Variants in RAX observed in about 807,000 individuals in gnomAD.
RAX encodes the protein retina and anterior neural fold homeobox.
Under a neutral mutation model 17.4 loss-of-function variants are expected in RAX, and 11 were observed. The observed-to-expected ratio is 0.63, with a 90% CI of 0.40 to 1.05. The LOEUF is 1.05. Ranked by LOEUF, RAX falls within the 50% of genes least tolerant of loss-of-function variation. RAX has a pLI of 0.00. For synonymous variants in RAX, 276 were observed against 254.7 expected (o/e 1.08, Z -0.80); for missense variants, 527 against 501.1 (o/e 1.05, Z -0.49).
At chr18:59,269,563 C>A in intron 2 of RAX, 62 bp from the exon 3 acceptor site, 1 of 1,572,384 alleles carries the variant, frequency 6.4e-7, no homozygotes, top group Non-Finnish European at 8.6e-7. Flanking sequence ...GTCCCCAACC[C>A]TGAGCCGGTT....
At chr18:59,270,895 C>A (rs1279520451) in intron 2 of RAX, among the ~76,000 whole-genome samples, 1 of 152,174 alleles carries the variant, frequency 6.6e-6, no homozygotes, top group East Asian at 1.9e-4. Flanking sequence ...GGGCTCCTGT[C>A]CCACCACCTT....
At chr18:59,269,577 C>G in intron 2 of RAX, 76 bp from the exon 3 acceptor site, 9 of 1,523,942 alleles carry the variant, frequency 5.9e-6, no homozygotes, top group Non-Finnish European at 8.0e-6. Context: ...GCCGGTTCAG[C>G]TCGGCGGGCT....
In RAX at chr18:59,273,247, AG is replaced by A. The variant is rs2070357092; in HGVS notation, c.-42del. The A allele has an allele frequency of 8.6e-6, 13 of 1,507,904 alleles. No homozygotes were observed. The highest frequency in any genetic ancestry group is 9.7e-6 in the Non-Finnish European group (11 of 1,132,688). 93.4% of individuals were successfully genotyped at this position (1,507,904 alleles called of 1,614,324 possible). A position where few individuals can be genotyped will look rare whatever the true frequency, so the allele number is the denominator to read the frequency against. On this transcript the variant is annotated 5_prime_UTR_variant, in exon 1 of 3. Transcript: ENST00000334889. ...GCGGGAGGGCGCTTTGGAGACGGAG[AG>A]GAGAGGCTCGAAGCCGGGTCTTCCC... is the stretch of plus-strand genomic sequence containing the variant.
intron 2 of RAX, among the ~76,000 whole-genome samples, chr18:59,271,097 T>C (rs1337154274): frequency 6.6e-6 from 1 of 152,178 alleles, no homozygotes; most frequent in African/African-American, 2.4e-5. Flanking sequence ...AGAATGGCCA[T>C]ATGCTGGGTG....
Position 59,269,151 on chromosome 18 carries a change from C to T in RAX, c.894G>A (p.Pro298=). 1 of 1,584,676 alleles carries T rather than the reference C, an allele frequency of 6.3e-7. No homozygotes were observed. The highest frequency in any genetic ancestry group is 8.6e-7 in the Non-Finnish European group (1 of 1,162,970). The change falls in exon 3 of 3, where the codon CCG becomes CCA. Residue 298 remains proline, a synonymous_variant. Coordinates refer to ENST00000334889, the MANE Select transcript of RAX (RefSeq NM_013435.3). ...GCCCGCACGGGTAGGAGGGCGGCGG[C>T]GGCGCGAGAGGTTGCAGGCCGGGGC... The part of the protein sequence containing the change: ...PLGPGLQPLA[P]PPPSYPCGPG...
In RAX at chr18:59,268,990, G is replaced by A. The variant is rs780382176; in HGVS notation, c.*14C>T. ...TCGGCCCGGGGTCGGATCCCAAGAC[G>A]TTCCCCAGTGCCCCTAGAGGGCCTG... On this transcript the variant is annotated 3_prime_UTR_variant, in exon 3 of 3. Transcript: ENST00000334889. The surrounding 1 kb of genome is among the most constrained non-coding windows in gnomAD (Gnocchi z 4.4). 3.7e-6 allele frequency: 6 copies of A among 1,612,814 alleles called. No homozygotes were observed. The highest frequency in any genetic ancestry group is 3.3e-5 in the South Asian group (3 of 91,092).
Position 59,273,234 on chromosome 18 carries a change from T to C in RAX, c.-28A>G. ...GGAGCGCCGGGAGGCGGGAGGGCGC[T>C]TTGGAGACGGAGAGGAGAGGCTCGA... On this transcript the variant is annotated 5_prime_UTR_variant, in exon 1 of 3. Coordinates refer to ENST00000334889, the MANE Select transcript of RAX (RefSeq NM_013435.3). 2 of 1,519,176 alleles carry C rather than the reference T, an allele frequency of 1.3e-6. No homozygotes were observed. The highest frequency in any genetic ancestry group is 1.8e-6 in the Non-Finnish European group (2 of 1,139,228). The allele number at this position is 1,519,176 out of a possible 1,614,324, so 94.1% of individuals were successfully genotyped here.
rs780219769 is a variant in RAX, at chr18:59,272,928, G to C, written c.279C>G (p.Pro93=). The change falls in exon 1 of 3, where the codon CCC becomes CCG. Residue 93 remains proline (P), a synonymous_variant. Coordinates refer to ENST00000334889, the MANE Select transcript of RAX (RefSeq NM_013435.3). ...GGGGTGCGCACTCACCTTCGTACTCGGGGGCGGGCGCCGGGGCTGGCGGCG... is the reference window on the plus strand; with the variant it reads ...GGGGTGCGCACTCACCTTCGTACTCCGGGGCGGGCGCCGGGGCTGGCGGCG... ...PSPPPAPAPA[P]EYEAPRPYCP... is the part of the protein sequence containing the mutation. 12 of 1,471,230 alleles carry C rather than the reference G, an allele frequency of 8.2e-6. No individual in the cohort carries two copies. Among genetic ancestry groups the C allele is most frequent in the Non-Finnish European group, 1.1e-5 (12 of 1,129,432 alleles). The allele number at this position is 1,471,230 out of a possible 1,614,324, so 91.1% of individuals were successfully genotyped here.
intron 2 of RAX, among the ~76,000 whole-genome samples, chr18:59,271,351 C>T (rs1020783028): frequency 2.0e-5 from 3 of 152,188 alleles, no homozygotes; most frequent in African/African-American, 4.8e-5. Flanking sequence ...GATAAAATTT[C>T]CACCCCTTCA....
At position 59,273,000 on chromosome 18, in the gene RAX, C is replaced by A; in HGVS notation, c.207G>T (p.Ala69=). ...GAKERDRRLG[A]RPACPKAPEE... is the part of the protein sequence containing the mutation. The stretch of plus-strand genomic sequence containing the variant: ...CGGGCGCCTTGGGGCAGGCGGGCCG[C>A]GCGCCCAGCCTCCTATCCCGCTCCT... Residue 69 remains alanine, a synonymous_variant, in exon 1 of 3, where the codon GCG becomes GCT. Transcript: ENST00000334889. The A allele has an allele frequency of 6.6e-7, 1 of 1,525,354 alleles. No individual in the cohort carries two copies. The highest frequency in any genetic ancestry group is 1.2e-5 in the South Asian group (1 of 83,158). The allele number at this position is 1,525,354 out of a possible 1,614,324, so 94.5% of individuals were successfully genotyped here. A position where few individuals can be genotyped will look rare whatever the true frequency, so the allele number is the denominator to read the frequency against.
chr18:59,268,935 C>T lies in RAX; in HGVS notation c.*69G>A. 3.1e-6 allele frequency: 5 copies of T among 1,611,108 alleles called. No homozygotes were observed. The highest frequency in any genetic ancestry group is 2.2e-5 in the South Asian group (2 of 90,934). The stretch of plus-strand genomic sequence containing the variant: ...GGCCGAGCTGGGGAGGGGGGTTGTC[C>T]CTGGGAGAGAGGATGCGGGTACGGT... On this transcript the variant is annotated 3_prime_UTR_variant, in exon 3 of 3. Coordinates refer to ENST00000334889, the MANE Select transcript of RAX (RefSeq NM_013435.3). The surrounding 1 kb of genome is among the most constrained non-coding windows in gnomAD (Gnocchi z 4.4).
Position 59,269,307 on chromosome 18 carries a change from C to T in RAX, c.738G>A (p.Gly246=). The change falls in exon 3 of 3, where the codon GGG becomes GGA. Residue 246 remains glycine (G), a synonymous_variant. Transcript: ENST00000334889. Reference sequence around the variant, plus strand: ...TGGCGCCCCCGCCCGGCAGCGGCGGCCCGAGCCAGGACTCCAGCGGCAGCG... The same window carrying T: ...TGGCGCCCCCGCCCGGCAGCGGCGGTCCGAGCCAGGACTCCAGCGGCAGCG... ...GGALPLESWL[G]PPLPGGGATA... is the part of the protein sequence containing the mutation. 3.1e-6 allele frequency: 4 copies of T among 1,287,402 alleles called. No individual in the cohort carries two copies. Among genetic ancestry groups the T allele is most frequent in the Non-Finnish European group, 2.9e-6 (3 of 1,023,716 alleles). The allele number at this position is 1,287,402 out of a possible 1,614,324, so 79.7% of individuals were successfully genotyped here. A position where few individuals can be genotyped will look rare whatever the true frequency, so the allele number is the denominator to read the frequency against.
At chr18:59,270,279 T>C (rs569833923) in intron 2 of RAX, among the ~76,000 whole-genome samples, 107 of 152,362 alleles carry the variant, frequency 7.0e-4, no homozygotes, top group African/African-American at 2.5e-3. Flanking sequence ...TTTCTGCTGT[T>C]TGTTATTACT....
chr18:59,268,942 G>T lies in RAX; in HGVS notation c.*62C>A. The T allele has an allele frequency of 6.2e-7, 1 of 1,611,974 alleles. No individual in the cohort carries two copies. The highest frequency in any genetic ancestry group is 8.5e-7 in the Non-Finnish European group (1 of 1,179,394). ...CTGGGGAGGGGGGTTGTCCCTGGGA[G>T]AGAGGATGCGGGTACGGTGCGGTCG... On this transcript the variant is annotated 3_prime_UTR_variant, in exon 3 of 3. Transcript: ENST00000334889. This position sits in a 1 kb window ranked among gnomAD's most constrained non-coding sequence, Gnocchi z 4.4.
rs2070295102 is a variant in RAX at position 59,267,918 on chromosome 18, A to C, written c.*1086T>G. The C allele has an allele frequency of 6.6e-6, 1 of 152,218 alleles. No homozygotes were observed. Among genetic ancestry groups the C allele is most frequent in the Non-Finnish European group, 1.5e-5 (1 of 68,080 alleles). The allele number at this position is 152,218 out of a possible 1,614,324, so 9.4% of individuals were successfully genotyped here. On this transcript the variant is annotated 3_prime_UTR_variant, in exon 3 of 3. Transcript: ENST00000334889. Reference sequence around the variant, plus strand: ...CTCCAGGACACTCTCCGAGCGCGGCACCTCACCAGACGCGCCTTTTACCGA... The same window carrying C: ...CTCCAGGACACTCTCCGAGCGCGGCCCCTCACCAGACGCGCCTTTTACCGA...
At position 59,269,234 on chromosome 18, in the gene RAX, G is replaced by A. The variant is rs1423526538; in HGVS notation, c.811C>T (p.Pro271Ser). ...PGFGPPAQSL[P>S]ASYTPPPPPP... Reference sequence around the variant, plus strand: ...GGCGGCGGTGGCGTGTAGCTGGCAGGCAGGCTCTGCGCCGGCGGCCCGAAG... The same window carrying A: ...GGCGGCGGTGGCGTGTAGCTGGCAGACAGGCTCTGCGCCGGCGGCCCGAAG... Residue 271 changes from proline (P) to serine (S), a missense_variant, in exon 3 of 3, where the codon CCT (proline) becomes TCT (serine). Transcript: ENST00000334889. The A allele has an allele frequency of 4.0e-6, 6 of 1,518,988 alleles. No individual in the cohort carries two copies. The Admixed American group carries it at 6.0e-5, about 15-fold the overall frequency. 94.1% of individuals were successfully genotyped at this position (1,518,988 alleles called of 1,614,324 possible). A position where few individuals can be genotyped will look rare whatever the true frequency, so the allele number is the denominator to read the frequency against.
intron 1 of RAX, 70 bp downstream of exon 1, chr18:59,272,848 C>G: frequency 6.7e-7 from 1 of 1,481,732 alleles, no homozygotes; most frequent in South Asian, 1.4e-5. Context: ...AAGGAAGGGG[C>G]GCTCTCGTCT....
Position 59,268,222 on chromosome 18 carries a change from T to C in RAX, c.*782A>G, listed in dbSNP as rs2144149441. On this transcript the variant is annotated 3_prime_UTR_variant, in exon 3 of 3. Coordinates refer to ENST00000334889, the MANE Select transcript of RAX (RefSeq NM_013435.3). This position sits in a 1 kb window ranked among gnomAD's most constrained non-coding sequence, Gnocchi z 4.4. ...TTGAAAATATCAGCTGCCGCTGGAC[T>C]ATGGGGCTAGCGGGGGAACTGGGAG... The C allele has an allele frequency of 6.6e-6, 1 of 152,342 alleles. No individual in the cohort carries two copies. The highest frequency in any genetic ancestry group is 1.9e-4 in the East Asian group (1 of 5,172). 9.4% of individuals were successfully genotyped at this position (152,342 alleles called of 1,614,324 possible).
Position 59,272,589 on chromosome 18 carries a change from C to A in RAX, c.315G>T (p.Glu105Asp). 3 of 1,613,238 alleles carry A rather than the reference C, an allele frequency of 1.9e-6. No individual in the cohort carries two copies. The highest frequency in any genetic ancestry group is 2.5e-6 in the Non-Finnish European group (3 of 1,179,894). Residue 105 changes from glutamate (E) to aspartate (D), a missense_variant, in exon 2 of 3, where the codon GAG becomes GAT. Glu to Asp is a conservative substitution (Grantham distance 45). Transcript: ENST00000334889. ...YEAPRPYCPKEPGEARPSPGL... is the reference protein window; with the variant it reads ...YEAPRPYCPKDPGEARPSPGL... ...CTGGGCTCGGCCGTGCCTCCCCGGG[C>A]TCCTTGGGGCAGTAGGGTCGAGGGG...
Sources: allele counts gnomAD v4.1 joint callset (sites outside exome capture counted in the v4.1 genomes callset), GRCh38; gene constraint gnomAD v4.1.1; non-coding constraint Gnocchi (gnomAD v3.1); transcripts MANE v1.5; gene names NCBI Gene and HGNC (gene_info 2026-07-23, HGNC 2026-07-21).